DCC: variants seen among roughly 807,000 people sequenced by gnomAD.
The protein encoded by DCC is DCC netrin 1 receptor.
DCC carries 58 observed loss-of-function variants against 172.5 expected under a neutral mutation model. That is an observed-to-expected ratio of 0.34 (90% CI 0.27 to 0.42). DCC has a LOEUF of 0.42. Ranked by LOEUF, DCC falls within the 10% of genes least tolerant of loss-of-function variation. DCC has a pLI of 1.00. For missense variants in DCC, 1,740 were observed against 1,791.0 expected, an observed-to-expected ratio of 0.97 and a Z score of 0.51; for synonymous variants, 709 against 644.5, an observed-to-expected ratio of 1.10 and a Z score of -1.52.
intron 9 of DCC, among the ~76,000 whole-genome samples, chr18:53,203,201 T>TTGTGTGTGTG (rs66474118): frequency 2.7e-4 from 34 of 125,338 alleles, no homozygotes; most frequent in African/African-American, 7.1e-4. Context: ...ATAGATTCTC[T>TTGTGTGTGTG]TGTGTGTGTG....
chr18:52,945,970 GGCT>G (rs1237446028), intron 5 of DCC, among the ~76,000 whole-genome samples: 3 of 152,134 alleles, frequency 2.0e-5, no homozygotes, highest in Non-Finnish European at 4.4e-5. Context: ...AATTGGCCGG[GGCT>G]AAGGGGCAAC....
At chr18:53,026,404 T>A (rs969147783) in intron 5 of DCC, among the ~76,000 whole-genome samples, 1 of 152,134 alleles carries the variant, frequency 6.6e-6, no homozygotes, top group African/African-American at 2.4e-5. Flanking sequence ...CTTTTCAACT[T>A]TTTACTAGGA....
chr18:53,493,542 A>G (rs980660746), intron 26 of DCC, among the ~76,000 whole-genome samples: 1 of 152,100 alleles, frequency 6.6e-6, no homozygotes, highest in African/African-American at 2.4e-5. Context: ...TAGACTTTCT[A>G]GTTTATTTGC....
intron 12 of DCC, among the ~76,000 whole-genome samples, chr18:53,280,402 G>A (rs2056857182): frequency 6.6e-6 from 1 of 152,090 alleles, no homozygotes; most frequent in Admixed American, 6.6e-5. Context: ...AAAATGTCAT[G>A]AAGTTACTGA....
intron 14 of DCC, among the ~76,000 whole-genome samples, chr18:53,330,158 T>C (rs774488748): frequency 2.3e-4 from 35 of 152,200 alleles, no homozygotes; most frequent in Non-Finnish European, 1.8e-4. Flanking sequence ...CATCATTTTT[T>C]CTTCAGGTAT....
At chr18:52,924,322 T>A (rs187762626) in intron 4 of DCC, among the ~76,000 whole-genome samples, 5 of 152,216 alleles carry the variant, frequency 3.3e-5, no homozygotes, top group African/African-American at 7.2e-5. Flanking sequence ...TATATGCAAT[T>A]TTTGTCAACT....
At chr18:52,372,865 C>T (rs1185794907) in intron 1 of DCC, among the ~76,000 whole-genome samples, 4 of 152,150 alleles carry the variant, frequency 2.6e-5, no homozygotes, top group South Asian at 4.2e-4. Flanking sequence ...AACAAAAACC[C>T]GAGATGATAA....
rs115906205 is a variant in DCC, at chr18:53,283,136, C to T, written c.1912-22442C>T. Among the ~76,000 whole-genome samples, 230 of 152,150 alleles carry T rather than the reference C, an allele frequency of 1.5e-3. 1 individual carries two copies. Among genetic ancestry groups the T allele is most frequent in the African/African-American group, 5.4e-3 (223 of 41,536 alleles). On this transcript the variant is annotated intron_variant, in intron 12 of 28. Coordinates refer to ENST00000442544, the MANE Select transcript of DCC (RefSeq NM_005215.4). The stretch of plus-strand genomic sequence containing the variant: ...GAGTGAGAAAATATTTTTGTTCAAG[C>T]GTTTCAGTATTTCTTATGCATCATA...
At chr18:52,979,824 A>G (rs1167172785) in intron 5 of DCC, among the ~76,000 whole-genome samples, 1 of 152,198 alleles carries the variant, frequency 6.6e-6, no homozygotes, top group African/African-American at 2.4e-5. Flanking sequence ...GAACTAAAGC[A>G]TAAAGAACTT....
intron 1 of DCC, among the ~76,000 whole-genome samples, chr18:52,431,882 T>G (rs1987636803): frequency 6.6e-6 from 1 of 152,154 alleles, no homozygotes; most frequent in Non-Finnish European, 1.5e-5. Context: ...TTTCAGGCCC[T>G]CCATCCATCT....
chr18:53,017,299 A>C (rs1269449456), intron 5 of DCC, among the ~76,000 whole-genome samples: 1 of 152,156 alleles, frequency 6.6e-6, no homozygotes, highest in Admixed American at 6.5e-5. Context: ...TTTTACTTAT[A>C]TGTGATATTT....
intron 20 of DCC, among the ~76,000 whole-genome samples, chr18:53,412,663 G>A (rs1297650916): frequency 6.6e-6 from 1 of 152,056 alleles, no homozygotes; most frequent in Non-Finnish European, 1.5e-5. Context: ...CTGGGTAATG[G>A]GCAAGTATTT....
chr18:52,563,928 T>G (rs2033097582), intron 1 of DCC, among the ~76,000 whole-genome samples: 1 of 152,162 alleles, frequency 6.6e-6, no homozygotes, highest in Admixed American at 6.6e-5. Context: ...TTCTAGTCAA[T>G]TGACTTGCAA....
At chr18:52,891,795 TC>T (rs1425775745) in intron 2 of DCC, among the ~76,000 whole-genome samples, 1 of 152,102 alleles carries the variant, frequency 6.6e-6, no homozygotes, top group Admixed American at 6.6e-5. Context: ...TCTCCTTTCT[TC>T]CATCCCACTA....
At chr18:53,474,938 C>T (rs2045743758) in intron 25 of DCC, among the ~76,000 whole-genome samples, 1 of 152,218 alleles carries the variant, frequency 6.6e-6, no homozygotes, top group Admixed American at 6.5e-5. Context: ...GATAATGATA[C>T]AGACAATGAA....
intron 7 of DCC, among the ~76,000 whole-genome samples, chr18:53,133,930 AG>A (rs2043698061): frequency 6.6e-6 from 1 of 152,208 alleles, no homozygotes; most frequent in East Asian, 1.9e-4. Flanking sequence ...CATGTCAGTT[AG>A]GCTGGAAAAA....
chr18:52,671,594 C>CA (rs1463441702), intron 1 of DCC, among the ~76,000 whole-genome samples: 1 of 145,262 alleles, frequency 6.9e-6, no homozygotes, highest in African/African-American at 2.6e-5. Context: ...GGCTGGAGCA[C>CA]AGTGGTGTGA....
chr18:52,680,357 C>A (rs2035725990), intron 1 of DCC, among the ~76,000 whole-genome samples: 1 of 152,020 alleles, frequency 6.6e-6, no homozygotes. Context: ...GAGAAGAAGG[C>A]CAGTGATGTT....
At chr18:52,676,083 T>C (rs1446928269) in intron 1 of DCC, among the ~76,000 whole-genome samples, 1 of 152,204 alleles carries the variant, frequency 6.6e-6, no homozygotes, top group Non-Finnish European at 1.5e-5. Flanking sequence ...TCATCAACTC[T>C]TGCTGTTTAG....
Sources: gnomAD v4.1 joint callset for allele counts (sites outside exome capture counted in the v4.1 genomes callset) on GRCh38, gnomAD v4.1.1 for gene constraint, MANE v1.5 for transcripts, NCBI Gene and HGNC (gene_info 2026-07-23, HGNC 2026-07-21) for gene names.